Variants in RAMP1 observed in about 807,000 individuals in gnomAD.
RAMP1 encodes receptor activity-modifying protein 1.
A neutral mutation model predicts 8.2 loss-of-function variants in RAMP1; 7 were observed. That is an observed-to-expected ratio of 0.85 (90% CI 0.49 to 1.60). The LOEUF (loss-of-function observed/expected upper bound fraction) is 1.60, where lower values mean the gene tolerates loss of function less well. RAMP1 is among the 40% of genes most tolerant of loss of function. The probability of loss-of-function intolerance (pLI) is 0.00; values close to 1 mark genes in which losing one functional copy is unlikely to be tolerated. For missense variants in RAMP1, 192 were observed against 202.4 expected, an observed-to-expected ratio of 0.95 and a Z score of 0.31; for synonymous variants, 92 against 84.7, an observed-to-expected ratio of 1.09 and a Z score of -0.47.
intron 2 of RAMP1, among the ~76,000 whole-genome samples, chr2:237,897,455 C>A (rs2062552900): frequency 6.6e-6 from 1 of 152,220 alleles, no homozygotes; most frequent in African/African-American, 2.4e-5. Flanking sequence ...GAACACTGAG[C>A]CCCGTTTCAT....
intron 2 of RAMP1, among the ~76,000 whole-genome samples, chr2:237,890,970 C>CCCCTTTT (rs1339282936): frequency 6.5e-4 from 99 of 152,130 alleles, no homozygotes; most frequent in African/African-American, 2.2e-3. Context: ...ACTCACTTCC[C>CCCCTTTT]CCCTTTTCCC....
chr2:237,864,007 C>A (rs1371087997), intron 1 of RAMP1, among the ~76,000 whole-genome samples: 1 of 152,164 alleles, frequency 6.6e-6, no homozygotes, highest in Non-Finnish European at 1.5e-5. Context: ...CTCTGTGCCC[C>A]CAGCAGACCC....
At chr2:237,861,935 C>T (rs2062136975) in intron 1 of RAMP1, among the ~76,000 whole-genome samples, 1 of 152,016 alleles carries the variant, frequency 6.6e-6, no homozygotes, top group African/African-American at 2.4e-5. Flanking sequence ...GGAGACTCTA[C>T]ATGCATTCTG....
chr2:237,903,502 C>T (rs1016648113), intron 2 of RAMP1, among the ~76,000 whole-genome samples: 1 of 151,984 alleles, frequency 6.6e-6, no homozygotes, highest in African/African-American at 2.4e-5. Context: ...TATCCTACAC[C>T]TTCACTAGCA....
chr2:237,886,165 G>C (rs1023225406), intron 2 of RAMP1, among the ~76,000 whole-genome samples: 3 of 152,170 alleles, frequency 2.0e-5, no homozygotes, highest in South Asian at 2.1e-4. Context: ...TCCAGGGCTG[G>C]GCAGAGTGGG....
At chr2:237,891,299 C>T (rs534022396) in intron 2 of RAMP1, among the ~76,000 whole-genome samples, 5 of 152,136 alleles carry the variant, frequency 3.3e-5, no homozygotes, top group Middle Eastern at 3.4e-3. Flanking sequence ...TACAGGCGCC[C>T]GCCACCACGC....
At chr2:237,908,410 C>CTGGTGGTGGTGGTGG (rs1553740387) in intron 2 of RAMP1, among the ~76,000 whole-genome samples, 23 of 149,014 alleles carry the variant, frequency 1.5e-4, no homozygotes, top group Middle Eastern at 3.2e-3. Context: ...GAAGAGACCT[C>CTGGTGGTGGTGGTGG]TGGTGGTGGT....
chr2:237,885,911 C>T (rs1329098686), intron 2 of RAMP1, among the ~76,000 whole-genome samples: 1 of 152,234 alleles, frequency 6.6e-6, no homozygotes, highest in East Asian at 1.9e-4. Flanking sequence ...GCACTAATGG[C>T]CAGCCCCGCG....
chr2:237,901,028 C>T (rs767166458), intron 2 of RAMP1, among the ~76,000 whole-genome samples: 1 of 152,254 alleles, frequency 6.6e-6, no homozygotes, highest in Non-Finnish European at 1.5e-5. Flanking sequence ...AAGTCTCCCA[C>T]GTGTCTTGCG....
rs377067863 is a variant in RAMP1 at position 237,906,010 on chromosome 2, C to CAAA, written c.192-5500_192-5498dup. ...TGGGCAACAGAGCAAGACTCTGTCT[C>CAAA]AAAAAAAAAAAAAAAAAAAAGGCAG... is the stretch of plus-strand genomic sequence containing the variant. On this transcript the variant is annotated intron_variant, in intron 2 of 2. Transcript: ENST00000254661. Among the ~76,000 whole-genome samples the CAAA allele has an allele frequency of 2.0e-3, 187 of 95,744 alleles. 1 individual carries two copies. Among genetic ancestry groups the CAAA allele is most frequent in the South Asian group, 3.3e-3 (9 of 2,730 alleles). 62.8% of individuals were successfully genotyped at this position (95,744 alleles called of 152,430 possible). A position where few individuals can be genotyped will look rare whatever the true frequency, so the allele number is the denominator to read the frequency against.
Position 237,912,054 on chromosome 2 carries a change from C to T in RAMP1, c.*271C>T, listed in dbSNP as rs1183264157. 1 of 507,458 alleles carries T rather than the reference C, an allele frequency of 2.0e-6. No individual in the cohort carries two copies. The highest frequency in any genetic ancestry group is 3.5e-6 in the Non-Finnish European group (1 of 285,958). 31.4% of individuals were successfully genotyped at this position (507,458 alleles called of 1,614,324 possible). On this transcript the variant is annotated 3_prime_UTR_variant, in exon 3 of 3. Coordinates refer to ENST00000254661, the MANE Select transcript of RAMP1 (RefSeq NM_005855.4). ...AGGGTCCCAGCCTAGACTGCTTACC[C>T]CATAGCCACATTTGTGGATGAGTGG...
At chr2:237,859,832 G>A in intron 1 of RAMP1, 105 bp downstream of exon 1, 1 of 1,035,840 alleles carries the variant, frequency 9.7e-7, no homozygotes. Context: ...GCGGGTGGGG[G>A]CGGGCGCCGC....
chr2:237,880,245 C>T (rs1382403656), intron 2 of RAMP1, among the ~76,000 whole-genome samples: 3 of 152,146 alleles, frequency 2.0e-5, no homozygotes, highest in South Asian at 2.1e-4. Flanking sequence ...GGGATCATCC[C>T]GGGGCCCGGT....
At chr2:237,893,637 A>T (rs1317336360) in intron 2 of RAMP1, among the ~76,000 whole-genome samples, 1 of 151,878 alleles carries the variant, frequency 6.6e-6, no homozygotes, top group African/African-American at 2.4e-5. Flanking sequence ...TCTGCTTTTT[A>T]CTCTTTCTAA....
intron 2 of RAMP1, among the ~76,000 whole-genome samples, chr2:237,910,555 TCA>T (rs986192108): frequency 2.1e-5 from 3 of 141,474 alleles, no homozygotes; most frequent in Non-Finnish European, 4.6e-5. Context: ...AGAATAACAG[TCA>T]CACACACAGA....
chr2:237,884,381 A>G (rs771245364), intron 2 of RAMP1, among the ~76,000 whole-genome samples: 11 of 152,196 alleles, frequency 7.2e-5, no homozygotes, highest in Non-Finnish European at 7.3e-5. Context: ...CAAATGTGTC[A>G]TCGGGAACTC....
chr2:237,909,952 G>C (rs965112366), intron 2 of RAMP1, among the ~76,000 whole-genome samples: 2 of 152,106 alleles, frequency 1.3e-5, no homozygotes, highest in Admixed American at 1.3e-4. Flanking sequence ...TCCAAGCCAA[G>C]CCCAAGGAAC....
chr2:237,881,059 C>A (rs2062363809), intron 2 of RAMP1, among the ~76,000 whole-genome samples: 1 of 152,178 alleles, frequency 6.6e-6, no homozygotes, highest in African/African-American at 2.4e-5. Context: ...GGCAACTTAC[C>A]TCATCAGTTT....
intron 2 of RAMP1, among the ~76,000 whole-genome samples, chr2:237,884,915 C>A (rs2062411642): frequency 1.3e-5 from 2 of 152,230 alleles, no homozygotes; most frequent in African/African-American, 4.8e-5. Flanking sequence ...GGGCTCCAGG[C>A]CCCAGGGAGT....
Sources: gnomAD v4.1 joint callset for allele counts (sites outside exome capture counted in the v4.1 genomes callset) on GRCh38, gnomAD v4.1.1 for gene constraint, MANE v1.5 for transcripts, NCBI Gene and HGNC (gene_info 2026-07-23, HGNC 2026-07-21) for gene names.